The following ANO10 variants were observed in gnomAD, a reference collection of about 807,000 sequenced individuals.
ANO10 encodes anoctamin 10, also known as anoctamin-10.
ANO10 carries 77 observed loss-of-function variants against 74.7 expected under a neutral mutation model. That is an observed-to-expected ratio of 1.03 (90% CI 0.86 to 1.25). ANO10 has a LOEUF of 1.25. Ranked by LOEUF, ANO10 falls within the 50% of genes most tolerant of loss-of-function variation. The pLI is 0.00. For missense variants in ANO10, 721 were observed against 778.1 expected, an observed-to-expected ratio of 0.93 and a Z score of 0.87; for synonymous variants, 279 against 284.9, an observed-to-expected ratio of 0.98 and a Z score of 0.21.
chr3:43,419,747 C>T (rs2092792761), intron 12 of ANO10, among the ~76,000 whole-genome samples: 1 of 152,114 alleles, frequency 6.6e-6, no homozygotes, highest in African/African-American at 2.4e-5. Flanking sequence ...AACTCCTGAC[C>T]TCAAACAATC....
intron 12 of ANO10, among the ~76,000 whole-genome samples, chr3:43,400,829 T>C (rs1384453949): frequency 6.6e-6 from 1 of 152,012 alleles, no homozygotes; most frequent in Non-Finnish European, 1.5e-5. Flanking sequence ...AATAGCATGG[T>C]TGTGTGTAAG....
intron 11 of ANO10, among the ~76,000 whole-genome samples, chr3:43,486,973 G>T (rs1483248611): frequency 8.1e-6 from 1 of 123,032 alleles, no homozygotes; most frequent in South Asian, 3.1e-4. Context: ...TTTGAAATAC[G>T]TCCCATCAAT....
intron 4 of ANO10, among the ~76,000 whole-genome samples, chr3:43,595,443 G>T (rs1023058817): frequency 4.6e-5 from 7 of 152,204 alleles, no homozygotes; most frequent in Non-Finnish European, 8.8e-5. Flanking sequence ...TCCCTGGGAT[G>T]CAAGGATGGT....
chr3:43,443,522 T>C (rs879843026), intron 11 of ANO10, among the ~76,000 whole-genome samples: 14 of 152,042 alleles, frequency 9.2e-5, no homozygotes, highest in Non-Finnish European at 1.9e-4. Flanking sequence ...AAGTGCAGTA[T>C]TTGGGGGTAT....
At chr3:43,588,307 G>A (rs1436045549) in intron 4 of ANO10, among the ~76,000 whole-genome samples, 1 of 151,716 alleles carries the variant, frequency 6.6e-6, no homozygotes, top group Non-Finnish European at 1.5e-5. Flanking sequence ...ATAAACCAAA[G>A]AAATTAAGTA....
At chr3:43,531,671 A>G (rs1242168761) in intron 11 of ANO10, among the ~76,000 whole-genome samples, 1 of 152,132 alleles carries the variant, frequency 6.6e-6, no homozygotes, top group East Asian at 1.9e-4. Flanking sequence ...AGGTGGGCAG[A>G]TCACTTCAGG....
chr3:43,433,619 T>G (rs2148945616), intron 11 of ANO10, among the ~76,000 whole-genome samples: 1 of 152,340 alleles, frequency 6.6e-6, no homozygotes, highest in South Asian at 2.1e-4. Flanking sequence ...ACTTAAAACC[T>G]GGCTATTATT....
intron 11 of ANO10, among the ~76,000 whole-genome samples, chr3:43,522,753 G>C (rs546676910): frequency 6.6e-6 from 1 of 152,328 alleles, no homozygotes; most frequent in South Asian, 2.1e-4. Flanking sequence ...CAGTCATACA[G>C]TGAGGAGCAA....
chr3:43,566,521 C>T (rs1294309407), intron 7 of ANO10, among the ~76,000 whole-genome samples: 3 of 151,688 alleles, frequency 2.0e-5, no homozygotes, highest in African/African-American at 7.2e-5. Flanking sequence ...CAAGTGGGTC[C>T]CTGACCCCTG....
intron 11 of ANO10, among the ~76,000 whole-genome samples, chr3:43,434,168 G>T (rs989562486): frequency 3.9e-5 from 6 of 152,244 alleles, no homozygotes; most frequent in Middle Eastern, 3.4e-3. Flanking sequence ...GCAGTGGCTG[G>T]TATTAACAAG....
At chr3:43,464,060 T>C (rs1023707135) in intron 11 of ANO10, among the ~76,000 whole-genome samples, 6 of 152,196 alleles carry the variant, frequency 3.9e-5, no homozygotes, top group African/African-American at 1.2e-4. Context: ...CCTTCCGCCA[T>C]GATCATGAGG....
At chr3:43,379,751 C>A (rs4682685) in intron 12 of ANO10, among the ~76,000 whole-genome samples, 8,204 of 152,160 alleles carry the variant, frequency 0.054, 276 homozygotes, top group South Asian at 0.1. Context: ...TCCCTGATGA[C>A]CTGTGTGATA....
At chr3:43,380,598 A>G (rs571621037) in intron 12 of ANO10, among the ~76,000 whole-genome samples, 3 of 152,364 alleles carry the variant, frequency 2.0e-5, no homozygotes, top group Admixed American at 6.5e-5. Flanking sequence ...ACTAAGCTTC[A>G]TAAATGAAGG....
chr3:43,473,497 C>T (rs773900963), intron 11 of ANO10, among the ~76,000 whole-genome samples: 3 of 152,198 alleles, frequency 2.0e-5, no homozygotes, highest in African/African-American at 4.8e-5. Context: ...GTGCCACACG[C>T]GCCTCTCCCA....
chr3:43,416,795 C>G (rs1397760644), intron 12 of ANO10, among the ~76,000 whole-genome samples: 1 of 152,154 alleles, frequency 6.6e-6, no homozygotes, highest in Non-Finnish European at 1.5e-5. Flanking sequence ...CCTCTTAATC[C>G]AACCAAGTTT....
In ANO10 at chr3:43,387,835, G is replaced by A. The variant is rs560134140; in HGVS notation, c.1915-20861C>T. ...CACCTGCCCTAGCAGAAGTCCCCGA[G>A]TGGCTAAGTCCTGTGGTCCACCCTG... On this transcript the variant is annotated intron_variant, in intron 12 of 12. Transcript: ENST00000292246. 9.8e-5 allele frequency among the ~76,000 whole-genome samples: 15 copies of A among 152,294 alleles called. 1 individual carries two copies. The highest frequency in any genetic ancestry group is 7.7e-4 in the East Asian group (4 of 5,170).
Position 43,560,760 on chromosome 3 carries a change from A to G in ANO10, c.1476+460T>C, listed in dbSNP as rs150389473. On this transcript the variant is annotated intron_variant, in intron 9 of 12. Coordinates refer to ENST00000292246, the MANE Select transcript of ANO10 (RefSeq NM_018075.5). ...CTCTGTCTTAAAAGAACTGTTTTAT[A>G]TTTATACAATAGCACTAATGTAAAC... is the stretch of plus-strand genomic sequence containing the variant. 5.3e-3 allele frequency among the ~76,000 whole-genome samples: 801 copies of G among 152,326 alleles called. 5 individuals are homozygous for G. The highest frequency in any genetic ancestry group is 0.017 in the African/African-American group (726 of 41,572).
chr3:43,606,857 T>C (rs1267940736), intron 1 of ANO10, among the ~76,000 whole-genome samples: 1 of 152,134 alleles, frequency 6.6e-6, no homozygotes, highest in Non-Finnish European at 1.5e-5. Flanking sequence ...GGGTTCAAAC[T>C]CTTCTGCTGA....
chr3:43,437,616 C>T (rs60604501), intron 11 of ANO10, among the ~76,000 whole-genome samples: 153 of 152,148 alleles, frequency 1.0e-3, no homozygotes, highest in African/African-American at 3.2e-3. Context: ...ACTTGCAGTA[C>T]GGCAGACAGA....
Sources: allele counts gnomAD v4.1 joint callset (sites outside exome capture counted in the v4.1 genomes callset), GRCh38; gene constraint gnomAD v4.1.1; transcripts MANE v1.5; gene names NCBI Gene and HGNC (gene_info 2026-07-23, HGNC 2026-07-21).